The following EIF3H variants were observed in gnomAD, a reference collection of about 807,000 sequenced individuals.
The protein encoded by EIF3H is eIF-3-gamma.
A neutral mutation model predicts 44.2 loss-of-function variants in EIF3H; 26 were observed. The observed-to-expected ratio is 0.59, with a 90% CI of 0.43 to 0.82. The LOEUF is 0.82. EIF3H is among the 40% of genes least tolerant of loss of function. The probability of loss-of-function intolerance (pLI) is 0.00; values close to 1 mark genes in which losing one functional copy is unlikely to be tolerated. For synonymous variants in EIF3H, 166 were observed against 151.9 expected (o/e 1.09, Z -0.68); for missense variants, 359 against 432.8 (o/e 0.83, Z 1.51).
chr8:116,644,940 TC>T lies in EIF3H; in HGVS notation c.*65del. ...CTTTTCAATATGCAAATATATTTCT[TC>T]CAAGAGTTGCCCTGGTGTGACTTCA... On this transcript the variant is annotated 3_prime_UTR_variant, in exon 8 of 8. Transcript: ENST00000521861. The T allele has an allele frequency of 7.9e-7, 1 of 1,261,744 alleles. No individual in the cohort carries two copies. The highest frequency in any genetic ancestry group is 1.9e-4 in the Middle Eastern group (1 of 5,284). 78.2% of individuals were successfully genotyped at this position (1,261,744 alleles called of 1,614,324 possible).
chr8:116,706,342 G>A (rs1164560747), intron 2 of EIF3H, among the ~76,000 whole-genome samples: 2 of 152,074 alleles, frequency 1.3e-5, no homozygotes, highest in East Asian at 1.9e-4. Context: ...TCCCACCTCA[G>A]GGCCTTTAGC....
chr8:116,654,899 T>A (rs565190776), intron 5 of EIF3H, among the ~76,000 whole-genome samples: 1 of 124,350 alleles, frequency 8.0e-6, no homozygotes, highest in Non-Finnish European at 1.9e-5. Flanking sequence ...AAGTACAAAG[T>A]CTGTACACTT....
At chr8:116,688,883 G>A (rs573762855) in intron 2 of EIF3H, among the ~76,000 whole-genome samples, 3 of 152,094 alleles carry the variant, frequency 2.0e-5, no homozygotes, top group Non-Finnish European at 4.4e-5. Flanking sequence ...AACTGCTTTG[G>A]AAAACAGCTT....
In EIF3H at chr8:116,661,775, T is replaced by C. The variant is rs113285659; in HGVS notation, c.290-2795A>G. ...ACAAGGTAAAAAACTCCAAGATCCA[T>C]AGCAAACTTCCAAATTTCTTCTTTA... is the stretch of plus-strand genomic sequence containing the variant. On this transcript the variant is annotated intron_variant, in intron 2 of 7. Transcript: ENST00000521861. Among the ~76,000 whole-genome samples, 1,044 of 152,306 alleles carry C rather than the reference T, an allele frequency of 6.9e-3. 2 individuals carry two copies. The highest frequency in any genetic ancestry group is 0.011 in the Non-Finnish European group (722 of 68,024).
chr8:116,699,149 AAT>A (rs200989424), intron 2 of EIF3H, among the ~76,000 whole-genome samples: 4 of 152,046 alleles, frequency 2.6e-5, no homozygotes, highest in African/African-American at 9.7e-5. Context: ...AAAAAAAAAA[AAT>A]TGAATACACA....
At chr8:116,758,689 G>A (rs377698521), upstream of EIF3H, among the ~76,000 whole-genome samples, 901 of 152,190 alleles carry the variant, frequency 5.9e-3, 6 homozygotes, top group African/African-American at 0.02. Context: ...TAGATTTAAA[G>A]AAGGAATTAA....
At chr8:116,715,490 AG>A (rs1166105990) in intron 2 of EIF3H, among the ~76,000 whole-genome samples, 4 of 152,086 alleles carry the variant, frequency 2.6e-5, no homozygotes, top group African/African-American at 7.2e-5. Flanking sequence ...AGTACAAGGC[AG>A]TCTTCATGCT....
At chr8:116,700,077 AT>A (rs1814346674) in intron 2 of EIF3H, among the ~76,000 whole-genome samples, 4 of 152,214 alleles carry the variant, frequency 2.6e-5, no homozygotes, top group Admixed American at 2.6e-4. Context: ...AAGTGTTGGG[AT>A]TACAGGCGTG....
chr8:116,705,715 G>C (rs1814457875), intron 2 of EIF3H, among the ~76,000 whole-genome samples: 2 of 152,098 alleles, frequency 1.3e-5, no homozygotes, highest in African/African-American at 4.8e-5. Context: ...GGGGCCTAAG[G>C]AGACATAACC....
At chr8:116,647,068 C>T (rs1254627035) in intron 6 of EIF3H, among the ~76,000 whole-genome samples, 1 of 152,096 alleles carries the variant, frequency 6.6e-6, no homozygotes, top group African/African-American at 2.4e-5. Flanking sequence ...ATGTTCACTA[C>T]TGTTACGGCT....
intron 2 of EIF3H, among the ~76,000 whole-genome samples, chr8:116,703,396 TC>T (rs1427556729): frequency 6.6e-6 from 1 of 151,922 alleles, no homozygotes; most frequent in Non-Finnish European, 1.5e-5. Flanking sequence ...AAGAATCTGC[TC>T]CACCACCTCT....
intron 2 of EIF3H, among the ~76,000 whole-genome samples, chr8:116,685,682 T>C (rs17805852): frequency 0.026 from 3,894 of 152,282 alleles, 132 homozygotes; most frequent in Admixed American, 0.096. Flanking sequence ...CCAGGAGAGA[T>C]GGCATTATTA....
intron 2 of EIF3H, among the ~76,000 whole-genome samples, chr8:116,709,707 T>C (rs113104312): frequency 4.6e-5 from 7 of 152,332 alleles, no homozygotes; most frequent in African/African-American, 1.7e-4. Context: ...AACTTGCTTT[T>C]ACACATAATT....
rs747386219 is a variant in EIF3H at position 116,755,759 on chromosome 8, G to A, written c.39C>T (p.Thr13=). 6.2e-7 allele frequency: 1 copy of A among 1,614,108 alleles called. No individual in the cohort carries two copies. Among genetic ancestry groups the A allele is most frequent in the South Asian group, 1.1e-5 (1 of 91,082 alleles). ...CTGCGCCGGCGGTGGAGCTGGAAGA[G>A]GTGGCAGTAGAGCCGGTACCTTCCT... The part of the protein sequence containing the change: ...SRKEGTGSTA[T]SSSSTAGAAG... The change falls in exon 1 of 8, where the codon ACC becomes ACT. Residue 13 remains threonine, a synonymous_variant. Transcript: ENST00000521861.
chr8:116,703,868 C>T (rs560009254), intron 2 of EIF3H, among the ~76,000 whole-genome samples: 2 of 152,148 alleles, frequency 1.3e-5, no homozygotes, highest in African/African-American at 2.4e-5. Flanking sequence ...TACCATCTCT[C>T]GTCTCTGCAC....
At chr8:116,657,367 T>G in intron 3 of EIF3H, 53 bp from the exon 4 acceptor site, 1 of 1,321,006 alleles carries the variant, frequency 7.6e-7, no homozygotes, top group Non-Finnish European at 1.1e-6. Flanking sequence ...CTGCCAGGCT[T>G]GAATGGCATT....
At chr8:116,718,177 C>T (rs937465148) in intron 2 of EIF3H, among the ~76,000 whole-genome samples, 2 of 151,904 alleles carry the variant, frequency 1.3e-5, no homozygotes, top group African/African-American at 4.8e-5. Flanking sequence ...CAATGCAATA[C>T]CACCTTACTC....
intron 2 of EIF3H, among the ~76,000 whole-genome samples, chr8:116,682,816 T>C (rs1055711442): frequency 2.6e-5 from 4 of 152,186 alleles, no homozygotes; most frequent in African/African-American, 7.2e-5. Flanking sequence ...ATATATAAAA[T>C]GAAATGCTGT....
In EIF3H at chr8:116,743,798, AAAC is replaced by A. The variant is rs1815179329; in HGVS notation, c.132+11865_132+11867del. On this transcript the variant is annotated intron_variant, in intron 1 of 7. Transcript: ENST00000521861. ...TATATATATATATATATATATATAT[AAAC>A]ACACACACACACACACACACACACA... is the stretch of plus-strand genomic sequence containing the variant. Among the ~76,000 whole-genome samples the A allele has an allele frequency of 3.5e-3, 281 of 79,660 alleles. 1 individual carries two copies. Among genetic ancestry groups the A allele is most frequent in the East Asian group, 0.025 (31 of 1,230 alleles). 52.3% of individuals were successfully genotyped at this position (79,660 alleles called of 152,430 possible). A position where few individuals can be genotyped will look rare whatever the true frequency, so the allele number is the denominator to read the frequency against.
Sources: gnomAD v4.1 joint callset for allele counts (sites outside exome capture counted in the v4.1 genomes callset) on GRCh38, gnomAD v4.1.1 for gene constraint, MANE v1.5 for transcripts, NCBI Gene and HGNC (gene_info 2026-07-23, HGNC 2026-07-21) for gene names.